The following ZNF892 variants were observed in gnomAD, a reference collection of about 807,000 sequenced individuals.
ZNF892 encodes the protein zinc finger protein 892.
At chr2:95,220,764 C>T in the ZNF892 span, among the ~76,000 whole-genome samples, 1 of 152,092 alleles carries the variant, frequency 6.6e-6, no homozygotes, top group Admixed American at 6.5e-5. Context: ...CTTCATCTAG[C>T]TTTGAAGGAA....
At chr2:95,222,451 C>T in the ZNF892 span, among the ~76,000 whole-genome samples, 4 of 152,174 alleles carry the variant, frequency 2.6e-5, no homozygotes, top group Admixed American at 6.6e-5. Context: ...CCACCAGCAA[C>T]GTATGAAGAT....
At chr2:95,235,089 C>T in the ZNF892 span, among the ~76,000 whole-genome samples, 3 of 152,136 alleles carry the variant, frequency 2.0e-5, no homozygotes, top group African/African-American at 7.2e-5. Flanking sequence ...GGGAGAAATC[C>T]CCACACATTT....
chr2:95,257,231 C>T, the ZNF892 span, among the ~76,000 whole-genome samples: 9 of 152,112 alleles, frequency 5.9e-5, no homozygotes, highest in Admixed American at 2.0e-4. Flanking sequence ...ATGATGGTGA[C>T]GTACAGATGG....
chr2:95,214,752 C>G, the ZNF892 span: 1 of 444,162 alleles, frequency 2.3e-6, no homozygotes, highest in Middle Eastern at 3.2e-4. Flanking sequence ...TGTCTTGCAT[C>G]AGAGAATTCA....
At chr2:95,219,081 C>T in the ZNF892 span, among the ~76,000 whole-genome samples, 17 of 152,204 alleles carry the variant, frequency 1.1e-4, 1 homozygote, top group East Asian at 3.3e-3. Context: ...TAACTGCAAG[C>T]TCCACCTCCC....
At chr2:95,255,057 G>GT in the ZNF892 span, among the ~76,000 whole-genome samples, 1 of 152,080 alleles carries the variant, frequency 6.6e-6, no homozygotes, top group African/African-American at 2.4e-5. Flanking sequence ...TTTTTGAAGG[G>GT]TTTTTTGTGT....
chr2:95,206,806 T>C, the ZNF892 span, among the ~76,000 whole-genome samples: 1 of 152,296 alleles, frequency 6.6e-6, no homozygotes, highest in South Asian at 2.1e-4. Context: ...GCCCTTAGTG[T>C]CTTGTAAATT....
At chr2:95,215,151 C>A in the ZNF892 span, 1 of 460,208 alleles carries the variant, frequency 2.2e-6, no homozygotes, top group South Asian at 6.6e-5. Context: ...CTTTAGTGAT[C>A]GGTCAGGTCT....
the ZNF892 span, among the ~76,000 whole-genome samples, chr2:95,240,858 C>T: frequency 2.0e-5 from 3 of 152,212 alleles, no homozygotes; most frequent in African/African-American, 7.2e-5. Flanking sequence ...AAGTGTCCCC[C>T]ACAATGCAGC....
chr2:95,243,863 C>T, the ZNF892 span, among the ~76,000 whole-genome samples: 119,200 of 151,726 alleles, frequency 0.79, 47,112 homozygotes, highest in African/African-American at 0.84. Context: ...TCATTGAGAA[C>T]GGGCCATGAT....
the ZNF892 span, among the ~76,000 whole-genome samples, chr2:95,231,409 G>C: frequency 6.6e-6 from 1 of 152,202 alleles, no homozygotes; most frequent in African/African-American, 2.4e-5. Context: ...TGCCTGGGAA[G>C]GGGCAGAACA....
chr2:95,243,049 G>C, the ZNF892 span, among the ~76,000 whole-genome samples: 1 of 152,182 alleles, frequency 6.6e-6, no homozygotes, highest in Admixed American at 6.5e-5. Context: ...ACGGGGTTTC[G>C]ATGTGTTGGC....
At chr2:95,214,417 T>C in the ZNF892 span, 1 of 398,440 alleles carries the variant, frequency 2.5e-6, no homozygotes, top group Non-Finnish European at 4.4e-6. Flanking sequence ...GGGGTGTTAA[T>C]TGTAAGATTT....
chr2:95,257,715 C>A, the ZNF892 span, among the ~76,000 whole-genome samples: 1 of 152,202 alleles, frequency 6.6e-6, no homozygotes, highest in East Asian at 1.9e-4. Flanking sequence ...GTGGGCTCCA[C>A]CTAGTTCGAG....
chr2:95,222,891 T>G, the ZNF892 span, among the ~76,000 whole-genome samples: 64 of 152,344 alleles, frequency 4.2e-4, no homozygotes, highest in Middle Eastern at 6.8e-3. Flanking sequence ...TGTTTTTCAC[T>G]TACATCCATT....
the ZNF892 span, chr2:95,211,724 AG>A: frequency 2.5e-6 from 1 of 398,536 alleles, no homozygotes; most frequent in Admixed American, 4.4e-5. Context: ...TTGCTGGGTA[AG>A]GATGGCTCCC....
chr2:95,231,493 G>T, the ZNF892 span, among the ~76,000 whole-genome samples: 4 of 152,216 alleles, frequency 2.6e-5, no homozygotes, highest in East Asian at 1.9e-4. Flanking sequence ...TGTCAAAATT[G>T]TACAGTTAAG....
chr2:95,210,041 A>T, the ZNF892 span, among the ~76,000 whole-genome samples: 1 of 151,966 alleles, frequency 6.6e-6, no homozygotes. Context: ...TAGAAAGCTG[A>T]ATATAAACAA....
the ZNF892 span, among the ~76,000 whole-genome samples, chr2:95,221,714 C>T: frequency 1.1e-4 from 17 of 151,948 alleles, no homozygotes; most frequent in African/African-American, 4.1e-4. Flanking sequence ...TTATTTGTAT[C>T]CTCTCTTGGT....
Sources: gnomAD v4.1 joint callset for allele counts (sites outside exome capture counted in the v4.1 genomes callset) on GRCh38, gnomAD v4.1.1 for gene constraint, MANE v1.5 for transcripts, NCBI Gene and HGNC (gene_info 2026-07-23, HGNC 2026-07-21) for gene names.